COX10: variants seen among roughly 807,000 people sequenced by gnomAD.
COX10 encodes cytochrome c oxidase assembly factor heme A:farnesyltransferase COX10.
A neutral mutation model predicts 37.3 loss-of-function variants in COX10; 27 were observed. The observed-to-expected ratio is 0.72, with a 90% CI of 0.53 to 1.00. The LOEUF (loss-of-function observed/expected upper bound fraction) is 1.00, where lower values mean the gene tolerates loss of function less well. Ranked by LOEUF, COX10 falls within the 50% of genes least tolerant of loss-of-function variation. The pLI, the probability that COX10 is intolerant of heterozygous loss-of-function variation, is 0.00. For synonymous variants in COX10, 222 were observed against 229.1 expected (o/e 0.97, Z 0.28); for missense variants, 475 against 563.2 (o/e 0.84, Z 1.59).
At chr17:14,143,938 A>G (rs889193457) in intron 4 of COX10, among the ~76,000 whole-genome samples, 3 of 152,178 alleles carry the variant, frequency 2.0e-5, no homozygotes, top group Non-Finnish European at 4.4e-5. Flanking sequence ...ACAAGCGTAC[A>G]GTGCAGATAC....
chr17:14,102,370 A>G (rs2142200456), intron 4 of COX10, 128 bp downstream of exon 4: 1 of 1,380,486 alleles, frequency 7.2e-7, no homozygotes, highest in Non-Finnish European at 1.0e-6. Context: ...TATATATCCT[A>G]TAGGAGCCTG....
chr17:14,207,301 G>T lies in COX10; in HGVS notation c.*88G>T. The stretch of plus-strand genomic sequence containing the variant: ...TGGAACACAAGAAGAGAAATTGCTG[G>T]GTTTAGAACAAGATTATAAACGAAT... On this transcript the variant is annotated 3_prime_UTR_variant, in exon 7 of 7. Transcript: ENST00000261643. 6 of 1,430,094 alleles carry T rather than the reference G, an allele frequency of 4.2e-6. No homozygotes were observed. The highest frequency in any genetic ancestry group is 5.5e-6 in the Non-Finnish European group (6 of 1,093,016). The allele number at this position is 1,430,094 out of a possible 1,614,324, so 88.6% of individuals were successfully genotyped here. A position where few individuals can be genotyped will look rare whatever the true frequency, so the allele number is the denominator to read the frequency against.
At chr17:14,105,749 AC>A (rs1915877479) in intron 4 of COX10, among the ~76,000 whole-genome samples, 1 of 152,130 alleles carries the variant, frequency 6.6e-6, no homozygotes, top group African/African-American at 2.4e-5. Context: ...TGTTAGAGAT[AC>A]AGCTGGAAAC....
chr17:14,122,572 G>T (rs868420880), intron 4 of COX10, among the ~76,000 whole-genome samples: 48 of 151,934 alleles, frequency 3.2e-4, no homozygotes, highest in African/African-American at 1.1e-3. Flanking sequence ...TTCTGTGTGG[G>T]GCTGCCTGAA....
chr17:14,097,243 A>G (rs1915671273), intron 3 of COX10, among the ~76,000 whole-genome samples: 1 of 152,000 alleles, frequency 6.6e-6, no homozygotes, highest in South Asian at 2.1e-4. Flanking sequence ...CGTACAATTT[A>G]TCCGTCCTCA....
chr17:14,175,226 AACTG>A (rs1308504787), intron 5 of COX10, among the ~76,000 whole-genome samples: 13 of 150,562 alleles, frequency 8.6e-5, no homozygotes, highest in African/African-American at 3.2e-4. Context: ...ACTCAGAACT[AACTG>A]TACACTTGCA....
At chr17:14,175,018 T>G (rs1368183035) in intron 5 of COX10, among the ~76,000 whole-genome samples, 17 of 105,736 alleles carry the variant, frequency 1.6e-4, no homozygotes, top group African/African-American at 5.1e-4. Context: ...ATGATTCCAT[T>G]TATATGACAT....
At chr17:14,112,552 G>A (rs1916025968) in intron 4 of COX10, among the ~76,000 whole-genome samples, 1 of 152,194 alleles carries the variant, frequency 6.6e-6, no homozygotes, top group Admixed American at 6.5e-5. Context: ...GAGGAAGACA[G>A]ATGAATAAAT....
chr17:14,165,363 T>C (rs1383010508), intron 5 of COX10, among the ~76,000 whole-genome samples: 1 of 152,174 alleles, frequency 6.6e-6, no homozygotes, highest in Non-Finnish European at 1.5e-5. Context: ...TGATAATTCG[T>C]ACAGTATTTC....
chr17:14,181,769 A>G (rs920893314), intron 5 of COX10, among the ~76,000 whole-genome samples: 1 of 152,174 alleles, frequency 6.6e-6, no homozygotes, highest in African/African-American at 2.4e-5. Flanking sequence ...CCTGCCCTCA[A>G]GGAATTAGAA....
chr17:14,089,538 A>T (rs1047380517), intron 3 of COX10, among the ~76,000 whole-genome samples: 4 of 152,230 alleles, frequency 2.6e-5, no homozygotes, highest in Middle Eastern at 3.2e-3. Flanking sequence ...GCTAAACCAG[A>T]AAGCAAACCA....
rs565913304 is a variant in COX10, at chr17:14,140,998, T to A, written c.625-18879T>A. ...ATTGGTACAAACTAGTGTCTACTGCTATTACTCATACATTTCAGAATTCAT... is the reference window on the plus strand; with the variant it reads ...ATTGGTACAAACTAGTGTCTACTGCAATTACTCATACATTTCAGAATTCAT... On this transcript the variant is annotated intron_variant, in intron 4 of 6. Transcript: ENST00000261643. Among the ~76,000 whole-genome samples the A allele has an allele frequency of 2.0e-5, 3 of 152,332 alleles. No homozygotes were observed. The East Asian group carries it at 5.8e-4, about 29-fold the overall frequency.
chr17:14,100,066 A>G (rs1915743227), intron 3 of COX10, among the ~76,000 whole-genome samples: 1 of 152,120 alleles, frequency 6.6e-6, no homozygotes. Flanking sequence ...TCCCATTTTT[A>G]CAACCCTTAT....
intron 4 of COX10, among the ~76,000 whole-genome samples, chr17:14,127,921 GTGTGTA>G (rs1555536378): frequency 2.0e-4 from 19 of 97,330 alleles, no homozygotes; most frequent in Admixed American, 5.6e-4. Flanking sequence ...CTTTAAGAGT[GTGTGTA>G]TGTGTGTGTG....
chr17:14,104,761 T>C (rs953665706), intron 4 of COX10, among the ~76,000 whole-genome samples: 1 of 152,180 alleles, frequency 6.6e-6, no homozygotes, highest in African/African-American at 2.4e-5. Context: ...AAGCTGTTTT[T>C]ACTTTTGTTT....
chr17:14,081,794 G>T (rs1232815718), intron 3 of COX10, among the ~76,000 whole-genome samples: 2 of 152,096 alleles, frequency 1.3e-5, no homozygotes, highest in Non-Finnish European at 2.9e-5. Context: ...TTAATACCTG[G>T]CTGCCCCCAC....
intron 5 of COX10, among the ~76,000 whole-genome samples, chr17:14,181,786 A>G (rs1199087110): frequency 6.6e-6 from 1 of 152,158 alleles, no homozygotes; most frequent in African/African-American, 2.4e-5. Context: ...AGAAAAACAT[A>G]CTAAGAGATT....
chr17:14,166,185 GGAA>G (rs1480618555), intron 5 of COX10, among the ~76,000 whole-genome samples: 23 of 152,170 alleles, frequency 1.5e-4, no homozygotes, highest in African/African-American at 5.3e-4. Context: ...ACCCTCTATT[GGAA>G]GAAGATGCCA....
rs1250711275 is a variant in COX10 at position 14,071,572 on chromosome 17, T to G, written c.43+1924T>G. 2.0e-5 allele frequency among the ~76,000 whole-genome samples: 3 copies of G among 151,910 alleles called. No homozygotes were observed. The East Asian group carries it at 5.8e-4, about 29-fold the overall frequency. ...ATTTTGCTTCTAAAAGTTCTAAGTA[T>G]TTTACAGCCATTTAAAAACTGTCAT... On this transcript the variant is annotated intron_variant, in intron 1 of 6. Transcript: ENST00000261643.
Sources: gnomAD v4.1 joint callset for allele counts (sites outside exome capture counted in the v4.1 genomes callset) on GRCh38, gnomAD v4.1.1 for gene constraint, MANE v1.5 for transcripts, NCBI Gene and HGNC (gene_info 2026-07-23, HGNC 2026-07-21) for gene names.